The following WDPCP variants were observed in gnomAD, a reference collection of about 807,000 sequenced individuals.
WDPCP encodes the protein WD repeat containing planar cell polarity effector.
Under a neutral mutation model 93.1 loss-of-function variants are expected in WDPCP, and 71 were observed. The observed-to-expected ratio is 0.76, with a 90% CI of 0.63 to 0.93. The LOEUF (loss-of-function observed/expected upper bound fraction) is 0.93. Ranked by LOEUF, WDPCP falls within the 40% of genes least tolerant of loss-of-function variation. The probability of loss-of-function intolerance (pLI) is 0.00; values close to 1 mark genes in which losing one functional copy is unlikely to be tolerated. For synonymous variants in WDPCP, 315 were observed against 315.0 expected, an observed-to-expected ratio of 1.00 and a Z score of 0.00; for missense variants, 844 against 887.4, an observed-to-expected ratio of 0.95 and a Z score of 0.62.
In WDPCP at chr2:63,314,774, A is replaced by G. The variant is rs17027712; in HGVS notation, c.1749-1463T>C. Among the ~76,000 whole-genome samples, 1,186 of 151,948 alleles carry G rather than the reference A, an allele frequency of 7.8e-3. 11 individuals carry two copies. Among genetic ancestry groups the G allele is most frequent in the African/African-American group, 0.027 (1,129 of 41,436 alleles). On this transcript the variant is annotated intron_variant, in intron 12 of 17. Coordinates refer to ENST00000272321, the MANE Select transcript of WDPCP (RefSeq NM_015910.7). ...AATTATCAGTGGCTTACAAATCTAC[A>G]CCTCCGGGATCCATCTCTTCCCTGA...
chr2:63,702,535 A>T (rs1262780499), intron 2 of WDPCP, among the ~76,000 whole-genome samples: 3 of 73,160 alleles, frequency 4.1e-5, no homozygotes, highest in Admixed American at 1.2e-4. Flanking sequence ...ATAGCTACCC[A>T]TTCTTTTTTT....
intron 17 of WDPCP, among the ~76,000 whole-genome samples, chr2:63,150,984 T>TAC (rs1671850701): frequency 6.6e-6 from 1 of 152,160 alleles, no homozygotes; most frequent in Admixed American, 6.5e-5. Flanking sequence ...GAACATAAAG[T>TAC]GTATATGAGT....
chr2:63,259,208 G>C (rs1417865837), intron 14 of WDPCP, 99 bp downstream of exon 14: 1 of 1,014,180 alleles, frequency 9.9e-7, no homozygotes, highest in African/African-American at 1.6e-5. Flanking sequence ...TACAAACAAA[G>C]TAATTCAAAT....
At chr2:63,327,837 G>A (rs1423046512) in intron 12 of WDPCP, among the ~76,000 whole-genome samples, 1 of 152,044 alleles carries the variant, frequency 6.6e-6, no homozygotes, top group East Asian at 1.9e-4. Context: ...AGCTACAGAT[G>A]GTCTTACAAA....
At chr2:63,756,369 T>G (rs1350476187) in intron 2 of WDPCP, among the ~76,000 whole-genome samples, 1 of 152,232 alleles carries the variant, frequency 6.6e-6, no homozygotes, top group Non-Finnish European at 1.5e-5. Flanking sequence ...AATAGCCTTA[T>G]TTCAGGGTCC....
chr2:63,425,444 A>T (rs927698257), intron 9 of WDPCP, among the ~76,000 whole-genome samples: 2 of 152,230 alleles, frequency 1.3e-5, no homozygotes, highest in African/African-American at 2.4e-5. Context: ...ATCAAGATTC[A>T]GCAGAAAGTT....
intron 1 of WDPCP, among the ~76,000 whole-genome samples, chr2:63,819,915 T>C (rs1240711243): frequency 6.6e-6 from 1 of 152,134 alleles, no homozygotes; most frequent in Non-Finnish European, 1.5e-5. Context: ...CCCTCTCCTA[T>C]GAGAGCTCAC....
intron 13 of WDPCP, 128 bp downstream of exon 13, chr2:63,313,120 A>G (rs1686305586): frequency 2.4e-6 from 2 of 824,506 alleles, no homozygotes; most frequent in Admixed American, 2.2e-5. Context: ...CTGCAAGTCA[A>G]GATGGAATAA....
rs1394346265 is a variant in WDPCP at position 63,649,007 on chromosome 2, T to C, written n.488+1652A>G. Among the ~76,000 whole-genome samples the C allele has an allele frequency of 2.0e-5, 3 of 152,218 alleles. No homozygotes were observed. The East Asian group carries it at 5.8e-4, about 29-fold the overall frequency. On this transcript the variant is annotated intron_variant and non_coding_transcript_variant, in intron 3 of 4. Coordinates refer to the WDPCP transcript ENST00000467687. The stretch of plus-strand genomic sequence containing the variant: ...CCAAGTACAATACTTAACACAACTT[T>C]TTTTTCTTTGATAGCATTTAAAAAT...
At chr2:63,195,467 C>T (rs951502796) in intron 14 of WDPCP, among the ~76,000 whole-genome samples, 1 of 152,030 alleles carries the variant, frequency 6.6e-6, no homozygotes, top group Non-Finnish European at 1.5e-5. Context: ...TCCACTTATA[C>T]ATGGATTTTT....
At chr2:63,239,086 A>G (rs1679651545) in intron 14 of WDPCP, among the ~76,000 whole-genome samples, 1 of 152,234 alleles carries the variant, frequency 6.6e-6, no homozygotes, top group Non-Finnish European at 1.5e-5. Context: ...GCTGACATCT[A>G]TATTCTTGAA....
chr2:63,589,109 G>A, upstream of WDPCP: 1 of 1,614,086 alleles, frequency 6.2e-7, no homozygotes, highest in South Asian at 1.1e-5. Flanking sequence ...GGGGTTTCTT[G>A]CACTTTAGGG....
At chr2:63,533,027 A>T (rs908703812) in intron 1 of WDPCP, among the ~76,000 whole-genome samples, 4 of 152,208 alleles carry the variant, frequency 2.6e-5, no homozygotes, top group African/African-American at 7.2e-5. Context: ...CTACCAAACA[A>T]ATGGAAAACA....
intron 14 of WDPCP, among the ~76,000 whole-genome samples, chr2:63,226,674 T>G (rs1678318469): frequency 6.6e-6 from 1 of 151,944 alleles, no homozygotes; most frequent in South Asian, 2.1e-4. Context: ...AAGAGTAATC[T>G]CTCTGTATTA....
At chr2:63,662,350 C>T (rs1710235456) in intron 2 of WDPCP, among the ~76,000 whole-genome samples, 1 of 152,048 alleles carries the variant, frequency 6.6e-6, no homozygotes, top group Non-Finnish European at 1.5e-5. Flanking sequence ...GATAGTGCTA[C>T]GTTTACCACA....
intron 2 of WDPCP, among the ~76,000 whole-genome samples, chr2:63,748,403 T>C (rs1054908003): frequency 6.6e-6 from 1 of 152,006 alleles, no homozygotes; most frequent in Non-Finnish European, 1.5e-5. Flanking sequence ...AGGAAGCTCC[T>C]TCTATTCCTA....
At position 63,266,462 on chromosome 2, in the gene WDPCP, C is replaced by T. The variant is rs191891967; in HGVS notation, c.1813-7053G>A. Among the ~76,000 whole-genome samples the T allele has an allele frequency of 3.9e-5, 6 of 152,198 alleles. No homozygotes were observed. In the East Asian group the frequency reaches 1.2e-3, roughly 29 times the overall value. On this transcript the variant is annotated intron_variant, in intron 13 of 17. Coordinates refer to ENST00000272321, the MANE Select transcript of WDPCP (RefSeq NM_015910.7). ...TAACCAAACAGATGAAAAACCTATA[C>T]ACTGAAAACTGTAAAACATTGATGA...
intron 2 of WDPCP, among the ~76,000 whole-genome samples, chr2:63,780,326 G>T (rs985313519): frequency 5.3e-5 from 8 of 152,184 alleles, no homozygotes; most frequent in African/African-American, 1.7e-4. Context: ...CATATTGCAT[G>T]TATCACTGTA....
intron 12 of WDPCP, among the ~76,000 whole-genome samples, chr2:63,325,896 C>T (rs562152876): frequency 3.9e-5 from 6 of 152,280 alleles, no homozygotes; most frequent in East Asian, 1.9e-4. Flanking sequence ...AGAGAGAGCA[C>T]GGATAGCTCT....
Sources: gnomAD v4.1 joint callset for allele counts (sites outside exome capture counted in the v4.1 genomes callset) on GRCh38, gnomAD v4.1.1 for gene constraint, MANE v1.5 for transcripts, NCBI Gene and HGNC (gene_info 2026-07-23, HGNC 2026-07-21) for gene names.